RUNX2: variants seen among roughly 807,000 people sequenced by gnomAD.
RUNX2 encodes RUNX family transcription factor 2.
In RUNX2, 10 loss-of-function variants were observed where a neutral mutation model predicts 51.7. That is an observed-to-expected ratio of 0.19 (90% CI 0.12 to 0.33). RUNX2 has a LOEUF of 0.33. RUNX2 is among the 10% of genes least tolerant of loss of function. The probability of loss-of-function intolerance (pLI) is 1.00; values close to 1 mark genes in which losing one functional copy is unlikely to be tolerated. For missense variants in RUNX2, 562 were observed against 691.3 expected (o/e 0.81, Z 2.10); for synonymous variants, 276 against 273.6 (o/e 1.01, Z -0.09).
chr6:45,405,482 G>C (rs1206877293), intron 2 of RUNX2, among the ~76,000 whole-genome samples: 1 of 152,092 alleles, frequency 6.6e-6, no homozygotes, highest in Non-Finnish European at 1.5e-5. Context: ...ACATCATGCT[G>C]GTAGCTTAAA....
intron 2 of RUNX2, among the ~76,000 whole-genome samples, chr6:45,399,814 G>A (rs1038133473): frequency 1.4e-5 from 2 of 147,272 alleles, no homozygotes; most frequent in African/African-American, 5.1e-5. Flanking sequence ...AAGGAGGGAG[G>A]GAAGTAAGGA....
At chr6:45,349,047 T>C (rs1209695564) in intron 2 of RUNX2, among the ~76,000 whole-genome samples, 1 of 152,216 alleles carries the variant, frequency 6.6e-6, no homozygotes, top group Non-Finnish European at 1.5e-5. Context: ...ATCTTTCCAC[T>C]GGTATCATTA....
At position 45,494,823 on chromosome 6, in the gene RUNX2, G is replaced by C. The variant is rs115500124; in HGVS notation, c.859+2709G>C. ...TTTGTTTATTCAATAAGTATGATTTGGGGCCTATCACATGTAGCAAACTGG... is the reference window on the plus strand; with the variant it reads ...TTTGTTTATTCAATAAGTATGATTTCGGGCCTATCACATGTAGCAAACTGG... On this transcript the variant is annotated intron_variant, in intron 6 of 8. Coordinates refer to ENST00000647337, the MANE Select transcript of RUNX2 (RefSeq NM_001024630.4). Among the ~76,000 whole-genome samples, 1,206 of 152,236 alleles carry C rather than the reference G, an allele frequency of 7.9e-3. 11 individuals carry two copies. Among genetic ancestry groups the C allele is most frequent in the African/African-American group, 0.027 (1,133 of 41,532 alleles).
chr6:45,485,556 T>A (rs530520468), intron 5 of RUNX2, among the ~76,000 whole-genome samples: 1 of 151,794 alleles, frequency 6.6e-6, no homozygotes, highest in South Asian at 2.1e-4. Context: ...TTAGAAGAAT[T>A]AATGTATAGT....
chr6:45,374,510 T>C (rs770289786), intron 2 of RUNX2, among the ~76,000 whole-genome samples: 4 of 152,212 alleles, frequency 2.6e-5, no homozygotes, highest in Non-Finnish European at 5.9e-5. Context: ...AGAGCCTCAA[T>C]AAAATATTTT....
rs1463155276 is a variant in RUNX2 at position 45,492,088 on chromosome 6, A to T, written c.833A>T (p.Asn278Ile). 10 of 1,613,704 alleles carry T rather than the reference A, an allele frequency of 6.2e-6. No individual in the cohort carries two copies. Among genetic ancestry groups the T allele is most frequent in the Non-Finnish European group, 8.5e-6 (10 of 1,179,834 alleles). The part of the protein sequence containing the change: ...PSLNSAPSPF[N>I]PQGQSQITDP... ...CTGAACTCTGCACCAAGTCCTTTTA[A>T]TCCACAAGGACAGAGTCAGATTACA... The change falls in exon 6 of 9, where the codon AAT (asparagine) becomes ATT (isoleucine). Residue 278 changes from asparagine (N) to isoleucine (I), a missense_variant. Asn to Ile is a moderately radical substitution (Grantham distance 149). This residue lies in a region of RUNX2 where 304 missense variants were observed against 353.2 expected (regional missense o/e 0.86). Transcript: ENST00000647337.
intron 5 of RUNX2, among the ~76,000 whole-genome samples, chr6:45,465,551 T>C (rs760601191): frequency 2.0e-5 from 3 of 152,086 alleles, no homozygotes; most frequent in Non-Finnish European, 4.4e-5. Context: ...CATATGGTCA[T>C]ATGATGTTTT....
intron 2 of RUNX2, among the ~76,000 whole-genome samples, chr6:45,336,254 G>A (rs1788530463): frequency 6.6e-6 from 1 of 151,408 alleles, no homozygotes; most frequent in African/African-American, 2.4e-5. Flanking sequence ...TAAGGACAAT[G>A]AGTACTGTCA....
intron 7 of RUNX2, among the ~76,000 whole-genome samples, chr6:45,523,562 C>A (rs1279742885): frequency 6.6e-6 from 1 of 151,922 alleles, no homozygotes; most frequent in South Asian, 2.1e-4. Context: ...TGAGCCACTG[C>A]GCCCGGCCTG....
rs565346961 is a variant in RUNX2, at chr6:45,376,870, T to C, written c.59-45723T>C. Among the ~76,000 whole-genome samples, 3 of 152,272 alleles carry C rather than the reference T, an allele frequency of 2.0e-5. No homozygotes were observed. The South Asian group carries it at 6.2e-4, about 32-fold the overall frequency. On this transcript the variant is annotated intron_variant, in intron 2 of 8. Coordinates refer to ENST00000647337, the MANE Select transcript of RUNX2 (RefSeq NM_001024630.4). ...AAATACATACATACATATATACACATACATATACTTATATACACACATATG... is the reference window on the plus strand; with the variant it reads ...AAATACATACATACATATATACACACACATATACTTATATACACACATATG...
chr6:45,401,573 C>T (rs1315377839), intron 2 of RUNX2, among the ~76,000 whole-genome samples: 4 of 152,186 alleles, frequency 2.6e-5, no homozygotes, highest in Non-Finnish European at 4.4e-5. Flanking sequence ...TTAAACAATG[C>T]GTACCTCACA....
At chr6:45,422,473 C>T in intron 2 of RUNX2, 120 bp from the exon 3 acceptor site, 1 of 815,230 alleles carries the variant, frequency 1.2e-6, no homozygotes. Context: ...CACCTCCATC[C>T]TCTTTCCCCC....
At chr6:45,386,018 G>A (rs995366023) in intron 2 of RUNX2, among the ~76,000 whole-genome samples, 3 of 151,048 alleles carry the variant, frequency 2.0e-5, no homozygotes, top group African/African-American at 7.3e-5. Context: ...TTAGATTCCA[G>A]CAGGCTCCAG....
At chr6:45,493,055 A>G (rs1254686883) in intron 6 of RUNX2, among the ~76,000 whole-genome samples, 1 of 152,134 alleles carries the variant, frequency 6.6e-6, no homozygotes, top group Non-Finnish European at 1.5e-5. Context: ...AATGTTCTTA[A>G]TGGTCTCAAA....
At chr6:45,478,587 A>G (rs1182641920) in intron 5 of RUNX2, among the ~76,000 whole-genome samples, 1 of 152,164 alleles carries the variant, frequency 6.6e-6, no homozygotes, top group Non-Finnish European at 1.5e-5. Flanking sequence ...TTTTAATCAG[A>G]CACTGCCTTG....
At chr6:45,422,979 C>A in intron 3 of RUNX2, 22 bp downstream of exon 3, 2 of 1,604,248 alleles carry the variant, frequency 1.2e-6, no homozygotes, top group Non-Finnish European at 8.5e-7. Context: ...CACCGCCCCC[C>A]GCCCCCGGCC....
At chr6:45,417,750 C>T (rs939661835) in intron 2 of RUNX2, among the ~76,000 whole-genome samples, 3 of 152,226 alleles carry the variant, frequency 2.0e-5, no homozygotes, top group African/African-American at 7.2e-5. Context: ...ACACAAATGA[C>T]TGACCATAGG....
At position 45,426,525 on chromosome 6, in the gene RUNX2, T is replaced by C. The variant is rs1582099485; in HGVS notation, c.423+3568T>C. On this transcript the variant is annotated intron_variant, in intron 3 of 8. Coordinates refer to ENST00000647337, the MANE Select transcript of RUNX2 (RefSeq NM_001024630.4). ...CTGGTGTTCAGGGTTCGTAACTTAG[T>C]TGCCTTAAATAGCTTCAAGCTGAAA... is the stretch of plus-strand genomic sequence containing the variant. 3.3e-5 allele frequency among the ~76,000 whole-genome samples: 5 copies of C among 152,360 alleles called. No individual in the cohort carries two copies. In the South Asian group the frequency reaches 1.0e-3, roughly 32 times the overall value.
chr6:45,469,415 T>A (rs927227488), intron 5 of RUNX2, among the ~76,000 whole-genome samples: 1 of 152,244 alleles, frequency 6.6e-6, no homozygotes, highest in Non-Finnish European at 1.5e-5. Flanking sequence ...CATTTTATCC[T>A]CATGTCATAA....
Sources: allele counts gnomAD v4.1 joint callset (sites outside exome capture counted in the v4.1 genomes callset), GRCh38; gene constraint gnomAD v4.1.1; regional missense constraint gnomAD v4.1.1; transcripts MANE v1.5; gene names NCBI Gene and HGNC (gene_info 2026-07-23, HGNC 2026-07-21).